KLF8: variants seen among roughly 807,000 people sequenced by gnomAD.
KLF8 encodes Krueppel-like factor 8.
A neutral mutation model predicts 18.2 loss-of-function variants in KLF8; 10 were observed. The ratio of observed to expected loss-of-function variants is 0.55; its 90% CI spans 0.34 to 0.93. KLF8 has a LOEUF of 0.93. KLF8 is among the 40% of genes least tolerant of loss of function. The pLI is 0.02. For synonymous variants in KLF8, 109 were observed against 97.3 expected (o/e 1.12, Z -0.71); for missense variants, 264 against 277.9 (o/e 0.95, Z 0.36).
chrX:56,188,583 C>T, the KLF8 span, among the ~76,000 whole-genome samples: 1 of 111,863 alleles, frequency 8.9e-6, no homozygotes, highest in Non-Finnish European at 1.9e-5. Flanking sequence ...GCCAAAAGAA[C>T]AAAGCTGGAG....
chrX:56,143,489 C>T, the KLF8 span, among the ~76,000 whole-genome samples: 3 of 112,066 alleles, frequency 2.7e-5, no homozygotes, highest in African/African-American at 9.7e-5. Context: ...AATATGTCTG[C>T]CAGTGTCTAG....
the KLF8 span, among the ~76,000 whole-genome samples, chrX:56,084,178 T>G: frequency 9.0e-6 from 1 of 111,020 alleles, no homozygotes; most frequent in Non-Finnish European, 1.9e-5. Flanking sequence ...CCTAGGAGTT[T>G]GAGTCACCTG....
the KLF8 span, among the ~76,000 whole-genome samples, chrX:56,025,820 A>G: frequency 8.9e-6 from 1 of 111,853 alleles, no homozygotes; most frequent in African/African-American, 3.3e-5. Flanking sequence ...TTATATAAAC[A>G]TGTTCCTTTT....
At chrX:56,194,426 G>A in the KLF8 span, among the ~76,000 whole-genome samples, 5 of 112,146 alleles carry the variant, frequency 4.5e-5, no homozygotes, top group African/African-American at 1.6e-4. Context: ...CTGGCTTGGC[G>A]AGTCCCAGAC....
At chrX:56,122,691 T>C in the KLF8 span, among the ~76,000 whole-genome samples, 3 of 111,430 alleles carry the variant, frequency 2.7e-5, no homozygotes, top group Non-Finnish European at 5.6e-5. Flanking sequence ...ATGATAAATT[T>C]CTGTGTACCT....
At chrX:56,072,988 T>C in the KLF8 span, among the ~76,000 whole-genome samples, 5 of 23,379 alleles carry the variant, frequency 2.1e-4, no homozygotes, top group Non-Finnish European at 7.0e-4. Flanking sequence ...TCGCTTAGCA[T>C]TTTTTTTTTT....
the KLF8 span, among the ~76,000 whole-genome samples, chrX:56,037,980 A>G: frequency 9.0e-6 from 1 of 111,292 alleles, no homozygotes; most frequent in Non-Finnish European, 1.9e-5. Context: ...CCAGCCCCTC[A>G]CTATCCAACC....
intron 1 of KLF8, chrX:56,243,310 T>C: frequency 2.7e-6 from 1 of 373,088 alleles, no homozygotes. Context: ...TGTGTGTGGT[T>C]GTGGACACCT....
At chrX:56,251,624 G>T (rs947007903) in intron 2 of KLF8, among the ~76,000 whole-genome samples, 1 of 108,888 alleles carries the variant, frequency 9.2e-6, no homozygotes, top group Non-Finnish European at 1.9e-5. Context: ...CACCATGCCC[G>T]GCTAATTTTT....
the KLF8 span, among the ~76,000 whole-genome samples, chrX:56,067,436 G>A: frequency 9.0e-6 from 1 of 110,558 alleles, no homozygotes; most frequent in East Asian, 2.9e-4. Context: ...TGCATGAGAG[G>A]CAGTGCCTAG....
the KLF8 span, among the ~76,000 whole-genome samples, chrX:56,052,307 G>T: frequency 2.7e-5 from 3 of 112,304 alleles, no homozygotes; most frequent in Admixed American, 9.4e-5. Flanking sequence ...TTCCATTGCT[G>T]GTGAGGACCT....
the KLF8 span, among the ~76,000 whole-genome samples, chrX:56,084,216 A>G: frequency 9.0e-6 from 1 of 110,815 alleles, no homozygotes; most frequent in Non-Finnish European, 1.9e-5. Context: ...TTGTCCCCAC[A>G]TAAAATTTTT....
chrX:56,220,442 T>A, the KLF8 span, among the ~76,000 whole-genome samples: 9 of 111,548 alleles, frequency 8.1e-5, no homozygotes, highest in Non-Finnish European at 1.5e-4. Context: ...ATACTGAAGT[T>A]GGTTTGCTTT....
At chrX:56,014,972 G>T in the KLF8 span, 4 of 108,473 alleles carry the variant, frequency 3.7e-5, no homozygotes, top group South Asian at 1.6e-3. Flanking sequence ...GTAAGGGGAG[G>T]ACAACATGCA....
the KLF8 span, among the ~76,000 whole-genome samples, chrX:56,180,438 G>A: frequency 1.8e-5 from 2 of 110,021 alleles, no homozygotes; most frequent in African/African-American, 3.3e-5. Context: ...ATTTTTTTCA[G>A]CGTTTTTTTG....
the KLF8 span, among the ~76,000 whole-genome samples, chrX:56,000,727 TTC>T: frequency 4.8e-4 from 54 of 111,835 alleles, no homozygotes; most frequent in Non-Finnish European, 8.3e-4. Context: ...TATTTGAATA[TTC>T]TCTTTTTTGT....
At chrX:56,172,376 G>C in the KLF8 span, among the ~76,000 whole-genome samples, 1 of 110,809 alleles carries the variant, frequency 9.0e-6, no homozygotes, top group African/African-American at 3.3e-5. Flanking sequence ...TTGTCCTTGC[G>C]ATAGTTTACT....
chrX:56,069,777 C>T, the KLF8 span, among the ~76,000 whole-genome samples: 3 of 111,920 alleles, frequency 2.7e-5, no homozygotes, highest in African/African-American at 9.7e-5. Flanking sequence ...TGCCCGGCTT[C>T]CTGCCCAGCG....
intron 3 of KLF8, chrX:56,267,137 A>G: frequency 6.6e-6 from 5 of 753,494 alleles, no homozygotes; most frequent in Non-Finnish European, 7.8e-6. Context: ...CCATAATATC[A>G]TCAGTCCATC....
Sources: allele counts gnomAD v4.1 joint callset (sites outside exome capture counted in the v4.1 genomes callset), GRCh38; gene constraint gnomAD v4.1.1; transcripts MANE v1.5; gene names NCBI Gene and HGNC (gene_info 2026-07-23, HGNC 2026-07-21).